Variants in PHC3 observed in about 807,000 individuals in gnomAD.
PHC3 encodes the protein polyhomeotic-like protein 3.
A neutral mutation model predicts 107.4 loss-of-function variants in PHC3; 13 were observed. The ratio of observed to expected loss-of-function variants is 0.12; its 90% CI spans 0.08 to 0.19. PHC3 has a LOEUF of 0.19. PHC3 is among the 10% of genes least tolerant of loss of function. PHC3 has a pLI of 1.00. For synonymous variants in PHC3, 456 were observed against 427.4 expected (o/e 1.07, Z -0.83); for missense variants, 992 against 1,210.9 (o/e 0.82, Z 2.68).
At chr3:170,172,144 G>A (rs557074323) in intron 3 of PHC3, among the ~76,000 whole-genome samples, 1 of 152,178 alleles carries the variant, frequency 6.6e-6, no homozygotes, top group South Asian at 2.1e-4. Context: ...GTGATAGACA[G>A]GGAAAAGGAA....
At chr3:170,178,140 A>ATTTTTTTT (rs1205857388) in intron 2 of PHC3, among the ~76,000 whole-genome samples, 1 of 137,586 alleles carries the variant, frequency 7.3e-6, no homozygotes. Context: ...CTAAAGGAAA[A>ATTTTTTTT]TTTTTTTTTT....
intron 5 of PHC3, 80 bp downstream of exon 5, chr3:170,149,006 C>A (rs1200918230): frequency 1.5e-6 from 2 of 1,370,726 alleles, no homozygotes; most frequent in South Asian, 1.3e-5. Flanking sequence ...TTAAAAATAC[C>A]TCTTATTGTA....
At chr3:170,121,062 A>C (rs780302803) in intron 9 of PHC3, among the ~76,000 whole-genome samples, 3 of 152,214 alleles carry the variant, frequency 2.0e-5, no homozygotes, top group Non-Finnish European at 4.4e-5. Context: ...GTTTCACAGA[A>C]CTTTATTTAT....
At chr3:170,118,665 C>A (rs1719536809) in intron 9 of PHC3, among the ~76,000 whole-genome samples, 1 of 152,132 alleles carries the variant, frequency 6.6e-6, no homozygotes, top group African/African-American at 2.4e-5. Context: ...CCCGCCTCGG[C>A]CTGCCAAATT....
In PHC3 at chr3:170,171,303, C is replaced by T. The variant is rs1048673221; in HGVS notation, c.414+70G>A. On this transcript the variant is annotated intron_variant, in intron 4 of 14. Coordinates refer to ENST00000495893, the MANE Select transcript of PHC3 (RefSeq NM_024947.4). ...ATTATAATAACAGCTTCATAAATAA[C>T]AACAGTTTACTTTTGGAAAACAATT... is the stretch of plus-strand genomic sequence containing the variant. 7.3e-6 allele frequency: 8 copies of T among 1,092,678 alleles called. No individual in the cohort carries two copies. In the Admixed American group the frequency reaches 1.8e-4, roughly 25 times the overall value. The allele number at this position is 1,092,678 out of a possible 1,614,324, so 67.7% of individuals were successfully genotyped here. A position where few individuals can be genotyped will look rare whatever the true frequency, so the allele number is the denominator to read the frequency against.
chr3:170,152,538 A>T (rs1044336662), intron 4 of PHC3, among the ~76,000 whole-genome samples: 1 of 152,022 alleles, frequency 6.6e-6, no homozygotes, highest in East Asian at 1.9e-4. Context: ...CACCTTAACA[A>T]TAGTCACCAA....
At position 170,181,716 on chromosome 3, in the gene PHC3, C is replaced by G; in HGVS notation, c.-1G>C. 6.2e-7 allele frequency: 1 copy of G among 1,613,108 alleles called. No individual in the cohort carries two copies. Among genetic ancestry groups the G allele is most frequent in the Non-Finnish European group, 8.5e-7 (1 of 1,179,834 alleles). Reference sequence around the variant, plus strand: ...TAGTCACTCACTCCGCTTCCGCCATCTTCTCTCCTCCATCACTAACATGGG... The same window carrying G: ...TAGTCACTCACTCCGCTTCCGCCATGTTCTCTCCTCCATCACTAACATGGG... On this transcript the variant is annotated 5_prime_UTR_variant, in exon 1 of 15. Transcript: ENST00000495893.
intron 8 of PHC3, among the ~76,000 whole-genome samples, chr3:170,127,274 C>G (rs1016368243): frequency 1.3e-5 from 2 of 152,226 alleles, no homozygotes; most frequent in Non-Finnish European, 2.9e-5. Context: ...TCAAGAGATT[C>G]TCCTGCCTCA....
intron 2 of PHC3, chr3:170,176,779 G>C (rs934431021): frequency 3.1e-6 from 1 of 317,480 alleles, no homozygotes; most frequent in African/African-American, 2.2e-5. Flanking sequence ...AACCTATAAT[G>C]TGCCTTACAC....
intron 4 of PHC3, among the ~76,000 whole-genome samples, chr3:170,155,011 T>C (rs950745701): frequency 6.6e-6 from 1 of 152,292 alleles, no homozygotes; most frequent in East Asian, 1.9e-4. Context: ...TGTCACTTCA[T>C]ATCTCAAGTC....
intron 8 of PHC3, among the ~76,000 whole-genome samples, chr3:170,124,196 G>T (rs191706011): frequency 6.6e-6 from 1 of 152,178 alleles, no homozygotes; most frequent in East Asian, 1.9e-4. Flanking sequence ...TCTAGAGGTT[G>T]ACATGGGTAT....
chr3:170,143,102 A>C (rs1479325307), intron 6 of PHC3, among the ~76,000 whole-genome samples: 1 of 152,170 alleles, frequency 6.6e-6, no homozygotes, highest in Non-Finnish European at 1.5e-5. Flanking sequence ...GCTTGAGCCC[A>C]GGGAGGTCAA....
At chr3:170,119,515 G>A (rs1350793136) in intron 9 of PHC3, among the ~76,000 whole-genome samples, 1 of 152,070 alleles carries the variant, frequency 6.6e-6, no homozygotes, top group Admixed American at 6.5e-5. Context: ...GATGGTAATA[G>A]CTATTTACAT....
intron 8 of PHC3, among the ~76,000 whole-genome samples, chr3:170,127,855 A>C (rs1047416801): frequency 3.3e-5 from 5 of 152,188 alleles, no homozygotes; most frequent in Non-Finnish European, 7.3e-5. Flanking sequence ...TGTTTAAAGA[A>C]AAGTATTTTT....
chr3:170,140,144 T>A (rs1365502904), intron 6 of PHC3, among the ~76,000 whole-genome samples: 1 of 150,580 alleles, frequency 6.6e-6, no homozygotes, highest in East Asian at 2.0e-4. Context: ...AGCTTTTAAA[T>A]CCAAAGGGTT....
At chr3:170,140,670 T>C (rs1018119478) in intron 6 of PHC3, among the ~76,000 whole-genome samples, 1 of 139,474 alleles carries the variant, frequency 7.2e-6, no homozygotes, top group Non-Finnish European at 1.5e-5. Flanking sequence ...CTCGGCTCAC[T>C]GCAACCTCCA....
At chr3:170,150,824 G>C (rs1725827603) in intron 4 of PHC3, 1 of 280,340 alleles carries the variant, frequency 3.6e-6, no homozygotes, top group South Asian at 2.9e-5. Flanking sequence ...ACATTGGAGT[G>C]GGGTGGCTAG....
At chr3:170,151,914 TG>T (rs1726050294) in intron 4 of PHC3, among the ~76,000 whole-genome samples, 1 of 152,128 alleles carries the variant, frequency 6.6e-6, no homozygotes, top group Admixed American at 6.6e-5. Context: ...GGAAGCTGAG[TG>T]AAGTTTATAT....
rs748131008 is a variant in PHC3, at chr3:170,136,600, T to C, written c.738A>G (p.Pro246=). Residue 246 remains proline (P), a synonymous_variant, in exon 7 of 15, where the codon CCA becomes CCG. Transcript: ENST00000495893. ...GVLSSSQNGP[P]KSTSQTQSLT... Reference sequence around the variant, plus strand: ...ATGACTGAGTTTGACTAGTGCTTTTTGGTGGACCATTCTGTGAGCTAGATA... The same window carrying C: ...ATGACTGAGTTTGACTAGTGCTTTTCGGTGGACCATTCTGTGAGCTAGATA... 6.2e-7 allele frequency: 1 copy of C among 1,613,890 alleles called. No homozygotes were observed. Among genetic ancestry groups the C allele is most frequent in the South Asian group, 1.1e-5 (1 of 91,054 alleles).
Sources: allele counts gnomAD v4.1 joint callset (sites outside exome capture counted in the v4.1 genomes callset), GRCh38; gene constraint gnomAD v4.1.1; transcripts MANE v1.5; gene names NCBI Gene and HGNC (gene_info 2026-07-23, HGNC 2026-07-21).